NRXN3: variants seen among roughly 807,000 people sequenced by gnomAD.
NRXN3 encodes the protein neurexin 3.
A neutral mutation model predicts 137.6 loss-of-function variants in NRXN3; 32 were observed. The observed-to-expected ratio is 0.23, with a 90% CI of 0.18 to 0.31. The LOEUF is 0.31. NRXN3 is among the 10% of genes least tolerant of loss of function. The probability of loss-of-function intolerance (pLI) is 1.00; values close to 1 mark genes in which losing one functional copy is unlikely to be tolerated. For missense variants in NRXN3, 1,574 were observed against 2,062.5 expected (o/e 0.76, Z 4.59); for synonymous variants, 798 against 784.5 (o/e 1.02, Z -0.29).
At chr14:78,896,974 C>A (rs1047705413) in intron 10 of NRXN3, among the ~76,000 whole-genome samples, 1 of 151,740 alleles carries the variant, frequency 6.6e-6, no homozygotes, top group Non-Finnish European at 1.5e-5. Context: ...GATTTGTGGA[C>A]CAAATCCATC....
intron 16 of NRXN3, among the ~76,000 whole-genome samples, chr14:79,623,035 A>G (rs919972292): frequency 1.3e-5 from 2 of 152,254 alleles, no homozygotes; most frequent in Non-Finnish European, 2.9e-5. Flanking sequence ...ATACTATGAT[A>G]TTAGAAATCT....
intron 4 of NRXN3, among the ~76,000 whole-genome samples, chr14:78,466,272 A>G (rs984281658): frequency 3.9e-5 from 6 of 152,230 alleles, no homozygotes; most frequent in African/African-American, 7.2e-5. Context: ...AAGATTCTCA[A>G]TCTGGTGAAA....
At chr14:79,215,306 G>C (rs1333038917) in intron 15 of NRXN3, among the ~76,000 whole-genome samples, 1 of 151,876 alleles carries the variant, frequency 6.6e-6, no homozygotes, top group Non-Finnish European at 1.5e-5. Context: ...TTTGCAGCTT[G>C]GTCAAATAAT....
chr14:79,631,227 A>T (rs1315277916), intron 16 of NRXN3, among the ~76,000 whole-genome samples: 2 of 152,250 alleles, frequency 1.3e-5, no homozygotes, highest in African/African-American at 2.4e-5. Context: ...ATTATAGTCA[A>T]TTGCCAACAG....
At chr14:78,799,863 T>C (rs1258969150) in intron 8 of NRXN3, among the ~76,000 whole-genome samples, 1 of 152,022 alleles carries the variant, frequency 6.6e-6, no homozygotes, top group East Asian at 1.9e-4. Context: ...GAGAGCAGTA[T>C]GGGGGAAACT....
At chr14:79,212,817 G>A (rs1396575728) in intron 15 of NRXN3, among the ~76,000 whole-genome samples, 1 of 151,506 alleles carries the variant, frequency 6.6e-6, no homozygotes, top group Non-Finnish European at 1.5e-5. Flanking sequence ...GAATCTCTAG[G>A]AGAGACATAT....
intron 1 of NRXN3, among the ~76,000 whole-genome samples, chr14:78,190,582 A>G (rs946379194): frequency 6.6e-6 from 1 of 152,152 alleles, no homozygotes; most frequent in African/African-American, 2.4e-5. Flanking sequence ...GGGACTGGGA[A>G]TTGGAAGAAT....
chr14:79,068,806 AC>A (rs1451237601), intron 15 of NRXN3, among the ~76,000 whole-genome samples: 1 of 152,100 alleles, frequency 6.6e-6, no homozygotes, highest in Non-Finnish European at 1.5e-5. Flanking sequence ...AGTCTAAATA[AC>A]GTACTCCAGT....
intron 8 of NRXN3, among the ~76,000 whole-genome samples, chr14:78,759,338 A>C (rs570598201): frequency 2.6e-5 from 4 of 152,244 alleles, no homozygotes; most frequent in African/African-American, 9.6e-5. Flanking sequence ...GGTGCATTAT[A>C]TACGATATCT....
intron 3 of NRXN3, among the ~76,000 whole-genome samples, chr14:78,294,160 A>T (rs767555457): frequency 1.3e-5 from 2 of 152,186 alleles, no homozygotes; most frequent in African/African-American, 2.4e-5. Context: ...TCAAACACAC[A>T]CTGAACACTT....
intron 15 of NRXN3, among the ~76,000 whole-genome samples, chr14:79,081,009 C>T (rs1418790229): frequency 1.3e-5 from 2 of 152,146 alleles, no homozygotes; most frequent in Non-Finnish European, 2.9e-5. Context: ...CTTCCCTTCT[C>T]CATCCCCTAA....
At chr14:79,654,579 C>T (rs1429852948) in intron 16 of NRXN3, among the ~76,000 whole-genome samples, 1 of 152,144 alleles carries the variant, frequency 6.6e-6, no homozygotes, top group African/African-American at 2.4e-5. Context: ...ATATTTGGCA[C>T]ACAGTTTGCT....
intron 15 of NRXN3, among the ~76,000 whole-genome samples, chr14:79,041,832 G>T (rs2099625529): frequency 6.6e-6 from 1 of 152,126 alleles, no homozygotes; most frequent in Admixed American, 6.6e-5. Context: ...TAATGATTCT[G>T]GGATTAGCCA....
rs562020504 is a variant in NRXN3 at position 78,855,170 on chromosome 14, A to AG, written c.2275+44826_2275+44827insG. 2.6e-4 allele frequency among the ~76,000 whole-genome samples: 39 copies of AG among 152,076 alleles called. No individual in the cohort carries two copies. In the East Asian group the frequency reaches 6.2e-3, roughly 24 times the overall value. On this transcript the variant is annotated intron_variant, in intron 10 of 20. Coordinates refer to ENST00000335750, the MANE Select transcript of NRXN3 (RefSeq NM_001330195.2). Reference sequence around the variant, plus strand: ...AGAGCGAGACTGCATCTCAAAAAAAAAAAAACATACAAAAAAGGTATATAT... The same window carrying AG: ...AGAGCGAGACTGCATCTCAAAAAAAAGAAAAACATACAAAAAAGGTATATAT...
chr14:79,049,022 CAAAA>C (rs1171306670), intron 15 of NRXN3, among the ~76,000 whole-genome samples: 21 of 29,470 alleles, frequency 7.1e-4, no homozygotes, highest in African/African-American at 2.3e-3. Context: ...AACTCCGTCT[CAAAA>C]AAAAAAAAAA....
At chr14:78,644,355 T>A (rs2152572329) in intron 4 of NRXN3, among the ~76,000 whole-genome samples, 1 of 152,166 alleles carries the variant, frequency 6.6e-6, no homozygotes, top group East Asian at 1.9e-4. Context: ...GAAGGATAGT[T>A]CTGTGGGGAA....
intron 1 of NRXN3, among the ~76,000 whole-genome samples, chr14:78,208,516 T>G (rs1189977316): frequency 1.3e-5 from 2 of 152,228 alleles, no homozygotes; most frequent in Non-Finnish European, 2.9e-5. Context: ...ATCAAATGCC[T>G]CCTCTCTGAG....
intron 4 of NRXN3, among the ~76,000 whole-genome samples, chr14:78,341,686 C>T (rs1400953863): frequency 6.6e-6 from 1 of 152,164 alleles, no homozygotes; most frequent in African/African-American, 2.4e-5. Flanking sequence ...TAGAAGTCTA[C>T]GATTTCAGGA....
chr14:79,056,360 T>C (rs766506664), intron 15 of NRXN3, among the ~76,000 whole-genome samples: 2 of 151,974 alleles, frequency 1.3e-5, no homozygotes, highest in African/African-American at 2.4e-5. Flanking sequence ...ATTGAAAACA[T>C]AACTTACCAT....
Sources: allele counts gnomAD v4.1 joint callset (sites outside exome capture counted in the v4.1 genomes callset), GRCh38; gene constraint gnomAD v4.1.1; transcripts MANE v1.5; gene names NCBI Gene and HGNC (gene_info 2026-07-23, HGNC 2026-07-21).